The following EPHB1 variants were observed in gnomAD, a reference collection of about 807,000 sequenced individuals.
The protein encoded by EPHB1 is EPH receptor B1, also known as ephrin type-B receptor 1.
In EPHB1, 30 loss-of-function variants were observed where a neutral mutation model predicts 94.4. That is an observed-to-expected ratio of 0.32 (90% confidence interval 0.24 to 0.43). The LOEUF (loss-of-function observed/expected upper bound fraction) is 0.43. Among genes scored for constraint, EPHB1 ranks in the 20% least tolerant of loss-of-function variants. EPHB1 has a pLI of 1.00. For missense variants in EPHB1, 1,055 were observed against 1,308.3 expected, an observed-to-expected ratio of 0.81 and a Z score of 2.99; for synonymous variants, 522 against 489.1, an observed-to-expected ratio of 1.07 and a Z score of -0.89.
intron 3 of EPHB1, among the ~76,000 whole-genome samples, chr3:135,027,336 A>G (rs1936222624): frequency 6.8e-6 from 1 of 148,078 alleles, no homozygotes; most frequent in Admixed American, 6.7e-5. Context: ...ATTCAGTATG[A>G]TATTGGCTGT....
chr3:135,106,670 G>T (rs3732567), intron 4 of EPHB1, 67 bp downstream of exon 4: 8 of 1,588,408 alleles, frequency 5.0e-6, no homozygotes, highest in South Asian at 4.5e-5. Context: ...GGTGGGTCTG[G>T]GGCAAGGAAG....
intron 3 of EPHB1, among the ~76,000 whole-genome samples, chr3:134,954,587 C>A (rs1933171308): frequency 6.6e-6 from 1 of 152,168 alleles, no homozygotes; most frequent in African/African-American, 2.4e-5. Context: ...GAATTGATGT[C>A]CTCTGAGCCT....
At chr3:135,055,767 C>T (rs1475711470) in intron 3 of EPHB1, among the ~76,000 whole-genome samples, 1 of 152,198 alleles carries the variant, frequency 6.6e-6, no homozygotes, top group Non-Finnish European at 1.5e-5. Flanking sequence ...AAGCCTGGCA[C>T]TTGGTAGGTG....
At chr3:134,989,490 C>T (rs576539198) in intron 3 of EPHB1, among the ~76,000 whole-genome samples, 21 of 122,784 alleles carry the variant, frequency 1.7e-4, no homozygotes, top group South Asian at 5.0e-4. Context: ...CACACGCACG[C>T]GCGCGTGCAC....
intron 1 of EPHB1, among the ~76,000 whole-genome samples, chr3:134,880,238 G>C (rs1196429831): frequency 6.6e-6 from 1 of 152,208 alleles, no homozygotes; most frequent in Non-Finnish European, 1.5e-5. Context: ...AAAGTGTGAG[G>C]ATGTAATGTG....
intron 3 of EPHB1, among the ~76,000 whole-genome samples, chr3:135,039,682 C>T (rs1006570927): frequency 6.6e-6 from 1 of 152,230 alleles, no homozygotes; most frequent in African/African-American, 2.4e-5. Flanking sequence ...CTGCTAAGTC[C>T]CCCCTTGCTC....
intron 1 of EPHB1, among the ~76,000 whole-genome samples, chr3:134,879,876 A>T (rs2037693116): frequency 6.6e-6 from 1 of 152,226 alleles, no homozygotes; most frequent in Non-Finnish European, 1.5e-5. Context: ...TTCTACAAAG[A>T]TAAAGAAAGT....
chr3:135,190,562 C>CATACATACACACATACAT (rs1553746269), intron 10 of EPHB1, among the ~76,000 whole-genome samples: 1 of 151,906 alleles, frequency 6.6e-6, no homozygotes, highest in African/African-American at 2.4e-5. Context: ...CATACATCCA[C>CATACATACACACATACAT]ATATACACAC....
At chr3:135,200,758 A>G (rs1050289228) in intron 11 of EPHB1, among the ~76,000 whole-genome samples, 1 of 152,180 alleles carries the variant, frequency 6.6e-6, no homozygotes, top group Non-Finnish European at 1.5e-5. Flanking sequence ...AAGAGTATGC[A>G]CTAAACATTT....
intron 5 of EPHB1, among the ~76,000 whole-genome samples, chr3:135,139,821 A>G (rs1235535108): frequency 1.3e-5 from 2 of 152,206 alleles, no homozygotes; most frequent in Non-Finnish European, 2.9e-5. Context: ...TACAGTGACA[A>G]TGTGTTTGAT....
At position 134,947,675 on chromosome 3, in the gene EPHB1, G is replaced by A. The variant is rs182799856; in HGVS notation, c.124-3696G>A. The stretch of plus-strand genomic sequence containing the variant: ...AGATGAGAAAACTGAGGCCCAGAGA[G>A]GTTAATGTTTGAAACAATTACTTCT... On this transcript the variant is annotated intron_variant, in intron 2 of 15. Coordinates refer to ENST00000398015, the MANE Select transcript of EPHB1 (RefSeq NM_004441.5). Among the ~76,000 whole-genome samples, 14 of 152,300 alleles carry A rather than the reference G, an allele frequency of 9.2e-5. No homozygotes were observed. In the East Asian group the frequency reaches 2.7e-3, roughly 29 times the overall value.
chr3:134,982,887 A>G (rs906785929), intron 3 of EPHB1, among the ~76,000 whole-genome samples: 1 of 151,870 alleles, frequency 6.6e-6, no homozygotes, highest in Admixed American at 6.6e-5. Flanking sequence ...AATGGTTTAC[A>G]TCGGGGATCA....
intron 1 of EPHB1, chr3:134,796,177 C>T (rs1186113493): frequency 5.6e-6 from 1 of 177,282 alleles, no homozygotes; most frequent in African/African-American, 2.4e-5. Context: ...CTAGTGGACT[C>T]TGCTTGGCGT....
intron 1 of EPHB1, among the ~76,000 whole-genome samples, chr3:134,863,276 G>A (rs756008061): frequency 6.6e-5 from 10 of 152,166 alleles, no homozygotes; most frequent in South Asian, 2.1e-4. Flanking sequence ...TATATCTGCC[G>A]GCCTGGACTG....
At chr3:135,034,274 T>C (rs757920914) in intron 3 of EPHB1, among the ~76,000 whole-genome samples, 3 of 152,240 alleles carry the variant, frequency 2.0e-5, no homozygotes, top group Non-Finnish European at 4.4e-5. Flanking sequence ...TGTATGGTTA[T>C]GTCTCTGATA....
intron 11 of EPHB1, among the ~76,000 whole-genome samples, chr3:135,200,797 G>A (rs781580776): frequency 6.6e-6 from 1 of 152,142 alleles, no homozygotes; most frequent in African/African-American, 2.4e-5. Flanking sequence ...TCATATTTTG[G>A]GGGGGAGTTA....
intron 12 of EPHB1, among the ~76,000 whole-genome samples, chr3:135,213,217 A>AT (rs1943071139): frequency 6.6e-6 from 1 of 152,162 alleles, no homozygotes; most frequent in Admixed American, 6.5e-5. Context: ...CTTCCCAAGA[A>AT]GCTCCTGAAA....
intron 15 of EPHB1, among the ~76,000 whole-genome samples, chr3:135,256,687 A>G (rs1323920783): frequency 1.3e-5 from 2 of 152,032 alleles, no homozygotes; most frequent in Non-Finnish European, 2.9e-5. Context: ...GAATCTGACA[A>G]TTATGTCTTG....
intron 3 of EPHB1, among the ~76,000 whole-genome samples, chr3:135,055,114 G>T (rs1937309541): frequency 6.6e-6 from 1 of 151,946 alleles, no homozygotes; most frequent in Non-Finnish European, 1.5e-5. Context: ...TAAACATTTT[G>T]ATATTAAAAA....
Sources: gnomAD v4.1 joint callset for allele counts (sites outside exome capture counted in the v4.1 genomes callset) on GRCh38, gnomAD v4.1.1 for gene constraint, MANE v1.5 for transcripts, NCBI Gene and HGNC (gene_info 2026-07-23, HGNC 2026-07-21) for gene names.